Variants in HDAC1 observed in about 807,000 individuals in gnomAD.
The protein encoded by HDAC1 is histone deacetylase 1, also known as protein deacetylase HDAC1.
In HDAC1, 18 loss-of-function variants were observed where a neutral mutation model predicts 65.5. That is an observed-to-expected ratio of 0.27 (90% CI 0.19 to 0.41). The LOEUF (loss-of-function observed/expected upper bound fraction) is 0.41. Ranked by LOEUF, HDAC1 falls within the 10% of genes least tolerant of loss-of-function variation. The pLI is 1.00. For missense variants in HDAC1, 373 were observed against 625.2 expected (o/e 0.60, Z 4.30); for synonymous variants, 211 against 227.9 (o/e 0.93, Z 0.67).
rs1343759061 is a variant in HDAC1 at position 32,327,226 on chromosome 1, T to C, written c.494+149T>C. On this transcript the variant is annotated intron_variant, in intron 5 of 13. Coordinates refer to ENST00000373548, the MANE Select transcript of HDAC1 (RefSeq NM_004964.3). The surrounding 1 kb of genome is among the most constrained non-coding windows in gnomAD (Gnocchi z 6.0). ...TGAGTGTCTCTGGCCATCATCTCCT[T>C]GATGGGGTCTTGGTTTGATCTGAGC... The C allele has an allele frequency of 1.2e-5, 9 of 742,964 alleles. No individual in the cohort carries two copies. The highest frequency in any genetic ancestry group is 2.0e-5 in the Non-Finnish European group (9 of 450,484). 46.0% of individuals were successfully genotyped at this position (742,964 alleles called of 1,614,324 possible).
chr1:32,332,658 C>G lies in HDAC1; in HGVS notation c.1373-43C>G, dbSNP rs545515035. ...TAAATGAAGACCTCATGGGTCTTCC[C>G]AGAGGTGCTGCCCTTGGCCATCCCT... On this transcript the variant is annotated intron_variant, in intron 12 of 13. Coordinates refer to ENST00000373548, the MANE Select transcript of HDAC1 (RefSeq NM_004964.3). 6.9e-5 allele frequency: 102 copies of G among 1,476,794 alleles called. No homozygotes were observed. In the East Asian group the frequency reaches 2.4e-3, roughly 35 times the overall value. The allele number at this position is 1,476,794 out of a possible 1,614,324, so 91.5% of individuals were successfully genotyped here. A position where few individuals can be genotyped will look rare whatever the true frequency, so the allele number is the denominator to read the frequency against.
intron 1 of HDAC1, among the ~76,000 whole-genome samples, chr1:32,296,247 T>C (rs757735708): frequency 6.6e-6 from 1 of 152,064 alleles, no homozygotes; most frequent in Non-Finnish European, 1.5e-5. Flanking sequence ...AACCAGAAAG[T>C]ACTGGGTTGC....
At chr1:32,310,994 T>C (rs1217143160) in intron 2 of HDAC1, among the ~76,000 whole-genome samples, 1 of 151,974 alleles carries the variant, frequency 6.6e-6, no homozygotes, top group African/African-American at 2.4e-5. Context: ...CCTGTAGTAT[T>C]CAGCATAAAT....
At position 32,330,868 on chromosome 1, in the gene HDAC1, A is replaced by G. The variant is rs748487694; in HGVS notation, c.939A>G (p.Thr313=). Residue 313 remains threonine, a synonymous_variant, in exon 9 of 14, where the codon ACA becomes ACG. Transcript: ENST00000373548. This position sits in a 1 kb window ranked among gnomAD's most constrained non-coding sequence, Gnocchi z 4.2. The part of the protein sequence containing the change: ...YTIRNVARCW[T]YETAVALDTE... ...TTCGTAACGTTGCCCGGTGCTGGAC[A>G]TATGAGACAGCTGTGGCCCTGGATA... 51 of 1,614,050 alleles carry G rather than the reference A, an allele frequency of 3.2e-5. No homozygotes were observed. The highest frequency in any genetic ancestry group is 4.0e-5 in the African/African-American group (3 of 74,916).
intron 2 of HDAC1, among the ~76,000 whole-genome samples, chr1:32,313,930 C>T (rs747797278): frequency 3.9e-5 from 6 of 152,094 alleles, no homozygotes; most frequent in Non-Finnish European, 1.5e-5. Flanking sequence ...TCTGGCCACC[C>T]TTGGAAATGA....
chr1:32,307,689 G>C (rs890231295), intron 2 of HDAC1, among the ~76,000 whole-genome samples: 6 of 152,150 alleles, frequency 3.9e-5, no homozygotes, highest in African/African-American at 1.4e-4. Context: ...TGTGTAACTG[G>C]AACTGTAGAA....
intron 3 of HDAC1, among the ~76,000 whole-genome samples, chr1:32,320,997 C>T (rs376454015): frequency 3.0e-4 from 45 of 150,984 alleles, no homozygotes; most frequent in African/African-American, 8.3e-4. Context: ...TTTGGGAGGC[C>T]GAGGCGGGCA....
intron 2 of HDAC1, among the ~76,000 whole-genome samples, chr1:32,305,316 C>T (rs753663989): frequency 2.9e-4 from 44 of 152,122 alleles, no homozygotes; most frequent in Non-Finnish European, 5.9e-4. Flanking sequence ...TTGAACATGT[C>T]TCTTGATGCA....
intron 1 of HDAC1, among the ~76,000 whole-genome samples, chr1:32,297,767 C>T (rs1040848962): frequency 1.4e-5 from 2 of 142,656 alleles, no homozygotes; most frequent in Non-Finnish European, 3.0e-5. Context: ...CATGACACTA[C>T]GCCTGGCTAA....
chr1:32,320,998 G>A (rs1425586528), intron 3 of HDAC1, among the ~76,000 whole-genome samples: 21 of 150,752 alleles, frequency 1.4e-4, no homozygotes, highest in African/African-American at 2.4e-4. Context: ...TTGGGAGGCC[G>A]AGGCGGGCAG....
intron 3 of HDAC1, among the ~76,000 whole-genome samples, chr1:32,323,437 G>T: frequency 6.6e-6 from 1 of 151,890 alleles, no homozygotes; most frequent in South Asian, 2.1e-4. Context: ...CTCTTGTCTC[G>T]CCCAGGCTGG....
intron 1 of HDAC1, among the ~76,000 whole-genome samples, chr1:32,297,934 C>T (rs1254886124): frequency 6.7e-6 from 1 of 150,112 alleles, no homozygotes; most frequent in Non-Finnish European, 1.5e-5. Context: ...GTACTACAGG[C>T]GCCTACCACC....
At chr1:32,313,710 G>A (rs1372227483) in intron 2 of HDAC1, among the ~76,000 whole-genome samples, 1 of 152,194 alleles carries the variant, frequency 6.6e-6, no homozygotes, top group Non-Finnish European at 1.5e-5. Flanking sequence ...GCCACTATCT[G>A]TATGGTGTTT....
chr1:32,327,745 C>T lies in HDAC1; in HGVS notation c.636+68C>T, dbSNP rs745794737. 1.2e-5 allele frequency: 17 copies of T among 1,476,952 alleles called. No homozygotes were observed. The highest frequency in any genetic ancestry group is 1.5e-5 in the Non-Finnish European group (16 of 1,057,550). 91.5% of individuals were successfully genotyped at this position (1,476,952 alleles called of 1,614,324 possible). On this transcript the variant is annotated intron_variant, in intron 6 of 13. Transcript: ENST00000373548. The surrounding 1 kb of genome is among the most constrained non-coding windows in gnomAD (Gnocchi z 6.0). ...GCAGCTCTACTTCTCTCTCCTATCT[C>T]ATGCCACTAAAAATTGCTTCTTGCC...
rs1641190912 is a variant in HDAC1 at position 32,324,569 on chromosome 1, C to T, written c.355+16C>T. 1.3e-6 allele frequency: 2 copies of T among 1,567,752 alleles called. No homozygotes were observed. Among genetic ancestry groups the T allele is most frequent in the Non-Finnish European group, 1.8e-6 (2 of 1,137,718 alleles). On this transcript the variant is annotated intron_variant, in intron 4 of 13. Transcript: ENST00000373548. ...GGTTCTGTGGGTAAGGAATATTCAT[C>T]TTCTCCCCAGGGGTAGACTGGGTTG...
intron 1 of HDAC1, among the ~76,000 whole-genome samples, chr1:32,297,214 A>G (rs1468585420): frequency 6.6e-6 from 1 of 152,184 alleles, no homozygotes; most frequent in Non-Finnish European, 1.5e-5. Context: ...CAGTTTTATG[A>G]TAACATTTTA....
chr1:32,324,790 C>A (rs899108487), intron 4 of HDAC1, among the ~76,000 whole-genome samples: 2 of 151,944 alleles, frequency 1.3e-5, no homozygotes, highest in African/African-American at 2.4e-5. Flanking sequence ...GCAACATAGA[C>A]CCTCCTGTCT....
At chr1:32,292,522 G>C in intron 1 of HDAC1, 1 of 803,652 alleles carries the variant, frequency 1.2e-6, no homozygotes, top group Non-Finnish European at 1.5e-6. Context: ...TCGGAGCGGG[G>C]AGGCTGAATC....
chr1:32,298,273 A>C (rs1640797665), intron 1 of HDAC1, among the ~76,000 whole-genome samples: 1 of 150,002 alleles, frequency 6.7e-6, no homozygotes, highest in African/African-American at 2.5e-5. Context: ...TTTTTAGTAG[A>C]GACGGGGTTT....
Sources: gnomAD v4.1 joint callset for allele counts (sites outside exome capture counted in the v4.1 genomes callset) on GRCh38, gnomAD v4.1.1 for gene constraint, Gnocchi (gnomAD v3.1) non-coding constraint, MANE v1.5 for transcripts, NCBI Gene and HGNC (gene_info 2026-07-23, HGNC 2026-07-21) for gene names.